ZC3H11C: variants seen among roughly 807,000 people sequenced by gnomAD.
ZC3H11C encodes the protein zinc finger CCCH-type containing 11C, also known as zinc finger CCCH domain-containing protein 11C.
chr6:65,304,004 TCCC>T, the ZC3H11C span: 1 of 1,073,128 alleles, frequency 9.3e-7, no homozygotes, highest in Non-Finnish European at 1.5e-6. Flanking sequence ...CAGCACCAGC[TCCC>T]CGTCTCAACA....
chr6:65,302,438 A>C, the ZC3H11C span: 10 of 632,458 alleles, frequency 1.6e-5, no homozygotes, highest in South Asian at 1.9e-4. Flanking sequence ...AACCCATTTC[A>C]CGAGGACTTG....
At chr6:65,305,826 C>G in the ZC3H11C span, among the ~76,000 whole-genome samples, 1 of 152,042 alleles carries the variant, frequency 6.6e-6, no homozygotes, top group Non-Finnish European at 1.5e-5. Context: ...CCCAACAAAC[C>G]CCTGTTGCCC....
At chr6:65,301,605 A>C in the ZC3H11C span, among the ~76,000 whole-genome samples, 249 of 152,336 alleles carry the variant, frequency 1.6e-3, no homozygotes, top group Middle Eastern at 3.4e-3. Flanking sequence ...ACTACTTTGG[A>C]GCTTGTCTCA....
the ZC3H11C span, among the ~76,000 whole-genome samples, chr6:65,306,076 T>C: frequency 6.6e-6 from 1 of 152,178 alleles, no homozygotes. Context: ...ATAAGCATGA[T>C]GGAAATAATA....
chr6:65,302,152 A>G, the ZC3H11C span, among the ~76,000 whole-genome samples: 1 of 152,204 alleles, frequency 6.6e-6, no homozygotes, highest in African/African-American at 2.4e-5. Flanking sequence ...CCAGTCTGAC[A>G]AAGGTTATTT....
chr6:65,302,319 G>A, the ZC3H11C span, among the ~76,000 whole-genome samples: 6 of 152,282 alleles, frequency 3.9e-5, no homozygotes, highest in East Asian at 7.7e-4. Context: ...ACCTACAGGC[G>A]TAATAGATTG....
the ZC3H11C span, among the ~76,000 whole-genome samples, chr6:65,305,791 T>C: frequency 6.6e-6 from 1 of 152,146 alleles, no homozygotes; most frequent in Non-Finnish European, 1.5e-5. Context: ...GGACAAAATA[T>C]GGTTAATTTT....
the ZC3H11C span, chr6:65,303,382 A>G: frequency 6.2e-7 from 1 of 1,607,142 alleles, no homozygotes; most frequent in South Asian, 1.1e-5. Context: ...TGGGGAAACG[A>G]AAATTTTCGA....
chr6:65,302,132 C>T, the ZC3H11C span, among the ~76,000 whole-genome samples: 1 of 152,284 alleles, frequency 6.6e-6, no homozygotes, highest in South Asian at 2.1e-4. Context: ...ATAACTAACC[C>T]TAGCTGTCTC....
chr6:65,306,546 T>G, the ZC3H11C span, among the ~76,000 whole-genome samples: 1 of 152,170 alleles, frequency 6.6e-6, no homozygotes, highest in Non-Finnish European at 1.5e-5. Flanking sequence ...TTCTTTTGCT[T>G]TTTTAAAAAA....
the ZC3H11C span, among the ~76,000 whole-genome samples, chr6:65,305,613 AG>A: frequency 6.6e-6 from 1 of 152,238 alleles, no homozygotes; most frequent in East Asian, 1.9e-4. Flanking sequence ...ATTTTTTAAA[AG>A]GCTTTAAAGT....
chr6:65,305,920 G>T, the ZC3H11C span, among the ~76,000 whole-genome samples: 2 of 152,150 alleles, frequency 1.3e-5, no homozygotes. Context: ...GGCTGTAGCA[G>T]TACACTGAAT....
At chr6:65,304,723 C>T in the ZC3H11C span, 3 of 48,358 alleles carry the variant, frequency 6.2e-5, no homozygotes, top group South Asian at 4.5e-4. Flanking sequence ...TAACCCAGTC[C>T]TCTTCAGATT....
At chr6:65,302,532 AAGG>A in the ZC3H11C span, 2 of 900,114 alleles carry the variant, frequency 2.2e-6, no homozygotes, top group African/African-American at 3.3e-5. Context: ...ATGCCTAATC[AAGG>A]AGAAGACTGC....
chr6:65,303,466 A>G, the ZC3H11C span: 1 of 1,605,972 alleles, frequency 6.2e-7, no homozygotes, highest in African/African-American at 1.3e-5. Flanking sequence ...AAGCTCCAGA[A>G]ACTAACACTG....
At chr6:65,301,536 C>A in the ZC3H11C span, among the ~76,000 whole-genome samples, 8 of 152,148 alleles carry the variant, frequency 5.3e-5, no homozygotes, top group African/African-American at 1.7e-4. Context: ...AGCGGCCAAG[C>A]GAGAAGAAAG....
the ZC3H11C span, chr6:65,304,978 TA>T: frequency 0.15 from 24,109 of 162,592 alleles, 1,298 homozygotes; most frequent in Non-Finnish European, 0.18. Flanking sequence ...GAGGACACTT[TA>T]AAAAAAAATC....
chr6:65,306,279 G>A, the ZC3H11C span, among the ~76,000 whole-genome samples: 54 of 152,280 alleles, frequency 3.5e-4, no homozygotes, highest in African/African-American at 1.3e-3. Context: ...GCCTTGTTGG[G>A]AATATGGAAA....
At chr6:65,305,348 C>T in the ZC3H11C span, among the ~76,000 whole-genome samples, 1 of 152,230 alleles carries the variant, frequency 6.6e-6, no homozygotes, top group East Asian at 1.9e-4. Context: ...CTTAATATTA[C>T]CTGAGTTTGA....
Sources: gnomAD v4.1 joint callset for allele counts (sites outside exome capture counted in the v4.1 genomes callset) on GRCh38, gnomAD v4.1.1 for gene constraint, MANE v1.5 for transcripts, NCBI Gene and HGNC (gene_info 2026-07-23, HGNC 2026-07-21) for gene names.